ANKRD42: variants seen among roughly 807,000 people sequenced by gnomAD.
ANKRD42 encodes the protein ankyrin repeat domain-containing protein 42.
In ANKRD42, 43 loss-of-function variants were observed where a neutral mutation model predicts 51.5. The ratio of observed to expected loss-of-function variants is 0.83; its 90% CI spans 0.65 to 1.08. The LOEUF is 1.08. Among genes scored for constraint, ANKRD42 ranks in the 50% least tolerant of loss-of-function variants. The pLI is 0.00. For synonymous variants in ANKRD42, 203 were observed against 213.0 expected, an observed-to-expected ratio of 0.95 and a Z score of 0.41; for missense variants, 608 against 629.3, an observed-to-expected ratio of 0.97 and a Z score of 0.36.
intron 9 of ANKRD42, among the ~76,000 whole-genome samples, chr11:83,241,216 T>C (rs114913011): frequency 0.021 from 3,197 of 152,236 alleles, 101 homozygotes; most frequent in African/African-American, 0.072. Flanking sequence ...GAAAGAGACA[T>C]CTCAAGGATT....
chr11:83,260,818 A>G (rs1297119113), downstream of ANKRD42: 2 of 152,232 alleles, frequency 1.3e-5, no homozygotes, highest in Non-Finnish European at 2.9e-5. Flanking sequence ...AAGAAAAAAT[A>G]TATCTAATAA....
intron 7 of ANKRD42, among the ~76,000 whole-genome samples, chr11:83,232,257 C>T (rs2135539174): frequency 6.6e-6 from 1 of 151,714 alleles, no homozygotes; most frequent in East Asian, 1.9e-4. Flanking sequence ...TTTTTGATGT[C>T]CTCTTCAGTT....
chr11:83,197,396 T>C (rs1468453922), intron 1 of ANKRD42, among the ~76,000 whole-genome samples: 2 of 152,248 alleles, frequency 1.3e-5, no homozygotes, highest in East Asian at 1.9e-4. Flanking sequence ...AGTACAGTTA[T>C]AGCAGTTTGC....
intron 5 of ANKRD42, among the ~76,000 whole-genome samples, chr11:83,218,259 G>A (rs746055193): frequency 6.6e-6 from 1 of 152,154 alleles, no homozygotes; most frequent in Non-Finnish European, 1.5e-5. Context: ...AATGCCTGTG[G>A]CTCTAATCTC....
At chr11:83,216,277 CA>C (rs1377311393) in intron 5 of ANKRD42, among the ~76,000 whole-genome samples, 2 of 151,690 alleles carry the variant, frequency 1.3e-5, no homozygotes, top group Admixed American at 6.6e-5. Flanking sequence ...AAATGTTTTC[CA>C]TTTGCACATT....
downstream of ANKRD42, chr11:83,261,963 G>A (rs756705026): frequency 1.6e-5 from 26 of 1,588,234 alleles, no homozygotes; most frequent in Middle Eastern, 1.7e-4. Flanking sequence ...AGTAAACACC[G>A]AAGCTGTGAA....
chr11:83,238,919 G>A (rs1025260817), intron 8 of ANKRD42, among the ~76,000 whole-genome samples: 1 of 151,974 alleles, frequency 6.6e-6, no homozygotes, highest in Non-Finnish European at 1.5e-5. Context: ...TGAGGCAGGA[G>A]AATTGCTTGA....
intron 5 of ANKRD42, among the ~76,000 whole-genome samples, chr11:83,219,618 AC>A (rs1862654547): frequency 6.6e-6 from 1 of 152,186 alleles, no homozygotes. Flanking sequence ...CTGTGTCCCA[AC>A]TGACTATATT....
intron 3 of ANKRD42, among the ~76,000 whole-genome samples, chr11:83,208,321 G>A (rs562139133): frequency 3.3e-5 from 5 of 152,030 alleles, no homozygotes; most frequent in Non-Finnish European, 5.9e-5. Flanking sequence ...CATGAGCCAC[G>A]GCATCTGGCT....
At chr11:83,256,678 A>G (rs1863780524), downstream of ANKRD42, among the ~76,000 whole-genome samples, 3 of 152,186 alleles carry the variant, frequency 2.0e-5, no homozygotes, top group South Asian at 6.2e-4. Flanking sequence ...GGCAGCAGCC[A>G]TCTCACCATT....
intron 8 of ANKRD42, among the ~76,000 whole-genome samples, chr11:83,240,171 C>T (rs180713515): frequency 2.8e-4 from 43 of 152,140 alleles, no homozygotes; most frequent in Non-Finnish European, 7.4e-5. Context: ...CACAACAACT[C>T]CAAAACCAAG....
chr11:83,222,879 A>T (rs1862756179), intron 5 of ANKRD42, among the ~76,000 whole-genome samples: 1 of 152,182 alleles, frequency 6.6e-6, no homozygotes. Flanking sequence ...ACCTAGGACT[A>T]TATGCATGTG....
chr11:83,258,256 C>T (rs1863806607), downstream of ANKRD42, among the ~76,000 whole-genome samples: 2 of 151,646 alleles, frequency 1.3e-5, no homozygotes, highest in African/African-American at 4.8e-5. Flanking sequence ...GTTACAGCAG[C>T]TAAATTAAAA....
chr11:83,240,912 C>G lies in ANKRD42; in HGVS notation c.1173C>G (p.Asp391Glu). The change falls in exon 9 of 11, where the codon GAC becomes GAG. Residue 391 changes from aspartate to glutamate, a missense_variant. Asp to Glu is a conservative substitution (Grantham distance 45). Transcript: ENST00000533342. The stretch of plus-strand genomic sequence containing the variant: ...CCAAGGATGATTTATGTCTGAGTGA[C>G]TTGGATAAAACAGATGCCAGAAGTA... Reference protein sequence around the residue: ...TDAKDDLCLSDLDKTDARMRA... With the variant: ...TDAKDDLCLSELDKTDARMRA... 3.7e-6 allele frequency: 6 copies of G among 1,613,696 alleles called. No individual in the cohort carries two copies. Among genetic ancestry groups the G allele is most frequent in the Non-Finnish European group, 5.1e-6 (6 of 1,179,798 alleles).
chr11:83,228,465 A>G (rs1862966414), intron 7 of ANKRD42, among the ~76,000 whole-genome samples: 1 of 151,692 alleles, frequency 6.6e-6, no homozygotes, highest in Non-Finnish European at 1.5e-5. Context: ...CCTGGCCTCA[A>G]ATGATCCACT....
rs1390693118 is a variant in ANKRD42 at position 83,198,428 on chromosome 11, T to G, written c.59-51T>G. 3.9e-6 allele frequency: 6 copies of G among 1,529,820 alleles called. No individual in the cohort carries two copies. In the South Asian group the frequency reaches 7.4e-5, roughly 19 times the overall value. The allele number at this position is 1,529,820 out of a possible 1,614,324, so 94.8% of individuals were successfully genotyped here. A position where few individuals can be genotyped will look rare whatever the true frequency, so the allele number is the denominator to read the frequency against. On this transcript the variant is annotated intron_variant, in intron 1 of 10. Transcript: ENST00000533342. Reference sequence around the variant, plus strand: ...GTTATATCACTGTTTTAGTCTTTTTTTTTCTTTCATAGTTTTGTAGTACAT... The same window carrying G: ...GTTATATCACTGTTTTAGTCTTTTTGTTTCTTTCATAGTTTTGTAGTACAT...
At chr11:83,195,845 C>CTTTT (rs573093104) in intron 1 of ANKRD42, among the ~76,000 whole-genome samples, 1 of 138,446 alleles carries the variant, frequency 7.2e-6, no homozygotes. Context: ...CTCTCTCTCT[C>CTTTT]TTTTTTTTTT....
rs150854564 is a variant in ANKRD42 at position 83,241,565 on chromosome 11, T to C, written c.1195+631T>C. ...AGCAGTGCACGTAAAGGCCATTATG[T>C]AGCATTGAGAATGGTCAGTGTGGCT... On this transcript the variant is annotated intron_variant, in intron 9 of 10. Coordinates refer to ENST00000533342, the MANE Select transcript of ANKRD42 (RefSeq NM_001300975.2). Among the ~76,000 whole-genome samples the C allele has an allele frequency of 5.7e-4, 87 of 152,126 alleles. No individual in the cohort carries two copies. The East Asian group carries it at 0.016, about 28-fold the overall frequency.
At chr11:83,261,799 T>G (rs1401318317), downstream of ANKRD42, 4 of 726,306 alleles carry the variant, frequency 5.5e-6, no homozygotes, top group Non-Finnish European at 9.5e-6. Flanking sequence ...CCGTATACAC[T>G]TCGAATAATC....
Sources: allele counts gnomAD v4.1 joint callset (sites outside exome capture counted in the v4.1 genomes callset), GRCh38; gene constraint gnomAD v4.1.1; transcripts MANE v1.5; gene names NCBI Gene and HGNC (gene_info 2026-07-23, HGNC 2026-07-21).